The following KCNQ3 variants were observed in gnomAD, a reference collection of about 807,000 sequenced individuals.
KCNQ3 encodes potassium voltage-gated channel subfamily Q member 3, also known as potassium voltage-gated channel subfamily KQT member 3.
In KCNQ3, 30 loss-of-function variants were observed where a neutral mutation model predicts 92.5. The ratio of observed to expected loss-of-function variants is 0.32; its 90% CI spans 0.24 to 0.44. KCNQ3 has a LOEUF of 0.44. Among genes scored for constraint, KCNQ3 ranks in the 20% least tolerant of loss-of-function variants. KCNQ3 has a pLI of 1.00. For synonymous variants in KCNQ3, 450 were observed against 468.8 expected (o/e 0.96, Z 0.52); for missense variants, 913 against 1,140.3 (o/e 0.80, Z 2.87).
chr8:132,234,344 T>G (rs903130459), intron 1 of KCNQ3, among the ~76,000 whole-genome samples: 1 of 92,708 alleles, frequency 1.1e-5, no homozygotes, highest in Non-Finnish European at 2.1e-5. Context: ...AAAAGTTTTT[T>G]TTTTTTTTTT....
intron 1 of KCNQ3, among the ~76,000 whole-genome samples, chr8:132,363,471 T>G (rs1396364629): frequency 1.3e-5 from 2 of 151,766 alleles, no homozygotes; most frequent in Non-Finnish European, 2.9e-5. Context: ...GGGGAGAGGG[T>G]GTCAAAAGTG....
At chr8:132,278,008 T>C (rs1266537174) in intron 1 of KCNQ3, 24 of 985,240 alleles carry the variant, frequency 2.4e-5, no homozygotes, top group Non-Finnish European at 2.9e-5. Flanking sequence ...CCTTCTGTGA[T>C]AGGCAGGAAT....
At chr8:132,368,878 A>G (rs893963539) in intron 1 of KCNQ3, among the ~76,000 whole-genome samples, 1 of 151,058 alleles carries the variant, frequency 6.6e-6, no homozygotes, top group Non-Finnish European at 1.5e-5. Flanking sequence ...AACTACAGTC[A>G]CATTTTTTCA....
chr8:132,442,647 C>T (rs1821566985), intron 1 of KCNQ3, among the ~76,000 whole-genome samples: 1 of 152,176 alleles, frequency 6.6e-6, no homozygotes, highest in Non-Finnish European at 1.5e-5. Flanking sequence ...ATACAAGCTA[C>T]CCCGGGGAGC....
At position 132,396,347 on chromosome 8, in the gene KCNQ3, G is replaced by A. The variant is rs906466284; in HGVS notation, c.386+83800C>T. On this transcript the variant is annotated intron_variant, in intron 1 of 14. Coordinates refer to ENST00000388996, the MANE Select transcript of KCNQ3 (RefSeq NM_004519.4). ...CTTTGCAGAAGCAGAATTTACATGA[G>A]AGAAAAACTTCCACTTATACTGCAA... Among the ~76,000 whole-genome samples, 4 of 149,312 alleles carry A rather than the reference G, an allele frequency of 2.7e-5. No individual in the cohort carries two copies. The Admixed American group carries it at 2.7e-4, about 10-fold the overall frequency.
chr8:132,476,673 ACTT>A (rs1822419858), intron 1 of KCNQ3, among the ~76,000 whole-genome samples: 1 of 152,134 alleles, frequency 6.6e-6, no homozygotes, highest in Non-Finnish European at 1.5e-5. Flanking sequence ...GAAGTAACAA[ACTT>A]TTTTTTTATT....
intron 1 of KCNQ3, among the ~76,000 whole-genome samples, chr8:132,472,709 C>A (rs1587053522): frequency 6.6e-6 from 1 of 151,974 alleles, no homozygotes; most frequent in East Asian, 1.9e-4. Flanking sequence ...AGAAGGGTGA[C>A]CATAGTTAAC....
chr8:132,444,747 G>C (rs762963049), intron 1 of KCNQ3, among the ~76,000 whole-genome samples: 1 of 152,208 alleles, frequency 6.6e-6, no homozygotes, highest in Non-Finnish European at 1.5e-5. Flanking sequence ...AGATTGCAGA[G>C]AGCGTGGGAT....
At chr8:132,383,564 A>G (rs1019778268) in intron 1 of KCNQ3, among the ~76,000 whole-genome samples, 1 of 152,180 alleles carries the variant, frequency 6.6e-6, no homozygotes, top group Non-Finnish European at 1.5e-5. Context: ...TATACTTAAC[A>G]GACCTAGGCT....
At chr8:132,182,749 G>A (rs1020551067) in intron 3 of KCNQ3, among the ~76,000 whole-genome samples, 4 of 152,100 alleles carry the variant, frequency 2.6e-5, no homozygotes, top group Non-Finnish European at 5.9e-5. Context: ...TAATTGTGCT[G>A]CACTTGCAAA....
intron 1 of KCNQ3, among the ~76,000 whole-genome samples, chr8:132,256,199 A>G (rs1815581439): frequency 6.6e-6 from 1 of 152,182 alleles, no homozygotes; most frequent in South Asian, 2.1e-4. Flanking sequence ...AAAATAAAAT[A>G]AAAAATAAAG....
intron 1 of KCNQ3, among the ~76,000 whole-genome samples, chr8:132,382,044 T>G (rs1819765546): frequency 6.6e-6 from 1 of 152,256 alleles, no homozygotes; most frequent in Non-Finnish European, 1.5e-5. Flanking sequence ...TCAGATTAAA[T>G]GGCAAGCAAT....
Position 132,480,315 on chromosome 8 carries a change from C to G in KCNQ3, c.218G>C (p.Gly73Ala). The change falls in exon 1 of 15, where the codon GGC becomes GCC. Residue 73 changes from glycine to alanine, a missense_variant. By Grantham distance (60) the Gly-to-Ala change is moderately conservative. This residue lies in a region of KCNQ3 where 183 missense variants were observed against 167.7 expected (regional missense o/e 1.09). Transcript: ENST00000388996. ...KDGTLLLEGG[G>A]RDEGQRRTPQ... The stretch of plus-strand genomic sequence containing the variant: ...GGTCCTCCGCTGCCCCTCGTCGCGG[C>G]CGCCGCCCTCCAGCAGCAGGGTCCC... The G allele has an allele frequency of 6.2e-7, 1 of 1,601,580 alleles. No individual in the cohort carries two copies. The highest frequency in any genetic ancestry group is 8.5e-7 in the Non-Finnish European group (1 of 1,175,038).
intron 1 of KCNQ3, among the ~76,000 whole-genome samples, chr8:132,190,300 CTG>C (rs1563797125): frequency 6.6e-6 from 1 of 152,128 alleles, no homozygotes; most frequent in Non-Finnish European, 1.5e-5. Context: ...CAAGCAGAAC[CTG>C]TGACTTGCTT....
intron 1 of KCNQ3, among the ~76,000 whole-genome samples, chr8:132,474,081 G>A (rs1415369887): frequency 1.3e-5 from 2 of 152,190 alleles, no homozygotes; most frequent in Non-Finnish European, 2.9e-5. Flanking sequence ...TGCCTATCCA[G>A]TGCCAAATGA....
chr8:132,319,915 C>T (rs999742240), intron 1 of KCNQ3, among the ~76,000 whole-genome samples: 2 of 152,166 alleles, frequency 1.3e-5, no homozygotes, highest in African/African-American at 4.8e-5. Context: ...TTCTCAGCTC[C>T]CCAGATGAAC....
intron 1 of KCNQ3, among the ~76,000 whole-genome samples, chr8:132,422,586 G>A (rs971849157): frequency 6.6e-6 from 1 of 152,078 alleles, no homozygotes; most frequent in African/African-American, 2.4e-5. Context: ...CAGGACACGT[G>A]ATCCTCCAAG....
At chr8:132,306,963 G>A (rs1445483723) in intron 1 of KCNQ3, among the ~76,000 whole-genome samples, 2 of 152,188 alleles carry the variant, frequency 1.3e-5, no homozygotes, top group Admixed American at 6.5e-5. Context: ...CAGAAGCTGT[G>A]GGAGTCTTGG....
intron 1 of KCNQ3, among the ~76,000 whole-genome samples, chr8:132,322,363 G>C (rs1817920094): frequency 6.6e-6 from 1 of 152,160 alleles, no homozygotes; most frequent in Non-Finnish European, 1.5e-5. Flanking sequence ...GCTCAGAGCA[G>C]AGTGATGAAC....
Sources: gnomAD v4.1 joint callset for allele counts (sites outside exome capture counted in the v4.1 genomes callset) on GRCh38, gnomAD v4.1.1 for gene constraint, gnomAD v4.1.1 regional missense constraint, MANE v1.5 for transcripts, NCBI Gene and HGNC (gene_info 2026-07-23, HGNC 2026-07-21) for gene names.